Variants in RSPO2 observed in about 807,000 individuals in gnomAD.
The protein encoded by RSPO2 is R-spondin-2.
A neutral mutation model predicts 30.9 loss-of-function variants in RSPO2; 14 were observed. That is an observed-to-expected ratio of 0.45 (90% CI 0.30 to 0.71). The LOEUF (loss-of-function observed/expected upper bound fraction) is 0.71. Among genes scored for constraint, RSPO2 ranks in the 30% least tolerant of loss-of-function variants. RSPO2 has a pLI of 0.08. For synonymous variants in RSPO2, 107 were observed against 96.4 expected, an observed-to-expected ratio of 1.11 and a Z score of -0.64; for missense variants, 264 against 301.9, an observed-to-expected ratio of 0.87 and a Z score of 0.93.
At position 107,923,813 on chromosome 8, in the gene RSPO2, C is replaced by A. The variant is rs138949466; in HGVS notation, c.617-22623G>T. Among the ~76,000 whole-genome samples, 133 of 152,114 alleles carry A rather than the reference C, an allele frequency of 8.7e-4. 1 individual carries two copies. The highest frequency in any genetic ancestry group is 3.4e-3 in the Middle Eastern group (1 of 294). On this transcript the variant is annotated intron_variant, in intron 5 of 5. Transcript: ENST00000276659. ...GCAAGAACATGGTTGATGCTGGAGGCCATTATCCTTACCAATCTCAGCAGG... is the reference window on the plus strand; with the variant it reads ...GCAAGAACATGGTTGATGCTGGAGGACATTATCCTTACCAATCTCAGCAGG...
At chr8:107,917,967 G>T (rs1200505180) in intron 5 of RSPO2, among the ~76,000 whole-genome samples, 1 of 152,106 alleles carries the variant, frequency 6.6e-6, no homozygotes, top group Non-Finnish European at 1.5e-5. Flanking sequence ...TTTTATGGGT[G>T]CTATTGAATG....
At position 107,999,440 on chromosome 8, in the gene RSPO2, TTTTG is replaced by T. The variant is rs1034113824; in HGVS notation, c.95-10200_95-10197del. ...CTCAAAGCTAGGAGAAACTAGGAGT[TTTTG>T]TTTGTTTTGAGACAAAGTCTTACTG... On this transcript the variant is annotated intron_variant, in intron 2 of 5. Transcript: ENST00000276659. Among the ~76,000 whole-genome samples, 15 of 152,068 alleles carry T rather than the reference TTTTG, an allele frequency of 9.9e-5. No individual in the cohort carries two copies. The East Asian group carries it at 1.2e-3, about 12-fold the overall frequency.
At chr8:107,972,791 T>A (rs559333917) in intron 3 of RSPO2, among the ~76,000 whole-genome samples, 1 of 152,126 alleles carries the variant, frequency 6.6e-6, no homozygotes, top group African/African-American at 2.4e-5. Context: ...TATTCCAGAG[T>A]GTGTTACATC....
intron 5 of RSPO2, among the ~76,000 whole-genome samples, chr8:107,913,076 T>C (rs903389770): frequency 6.6e-6 from 1 of 150,650 alleles, no homozygotes; most frequent in African/African-American, 2.4e-5. Flanking sequence ...TTGGGATAAA[T>C]ATTTAAGGTG....
At chr8:107,981,238 G>C (rs950182170) in intron 3 of RSPO2, among the ~76,000 whole-genome samples, 2 of 151,954 alleles carry the variant, frequency 1.3e-5, no homozygotes, top group Admixed American at 6.6e-5. Flanking sequence ...AGAATGACAG[G>C]CTGGGCTCAG....
chr8:107,973,521 C>T (rs1176115952), intron 3 of RSPO2, among the ~76,000 whole-genome samples: 2 of 66,314 alleles, frequency 3.0e-5, no homozygotes, highest in African/African-American at 6.1e-5. Context: ...CAGACACACA[C>T]AGACACACAC....
chr8:108,063,281 G>C (rs201604044), intron 2 of RSPO2, among the ~76,000 whole-genome samples: 7 of 151,660 alleles, frequency 4.6e-5, no homozygotes, highest in East Asian at 1.9e-4. Context: ...TCTAGAAAAC[G>C]CCATCTTCTC....
intron 2 of RSPO2, among the ~76,000 whole-genome samples, chr8:108,001,648 T>G (rs1282723972): frequency 6.6e-6 from 1 of 152,104 alleles, no homozygotes; most frequent in African/African-American, 2.4e-5. Context: ...CATAGGATGG[T>G]TGGGTGTTGC....
At chr8:107,906,760 T>C (rs977928840) in intron 5 of RSPO2, among the ~76,000 whole-genome samples, 2 of 151,972 alleles carry the variant, frequency 1.3e-5, no homozygotes, top group African/African-American at 4.8e-5. Context: ...CTACTGTCCA[T>C]ATAGTTCAGA....
At chr8:107,964,499 C>T (rs1406623789) in intron 3 of RSPO2, among the ~76,000 whole-genome samples, 1 of 152,176 alleles carries the variant, frequency 6.6e-6, no homozygotes, top group Admixed American at 6.5e-5. Context: ...CCGCCTCAGC[C>T]TCCCAAAGTG....
chr8:108,031,869 G>C (rs1382194222), intron 2 of RSPO2, among the ~76,000 whole-genome samples: 1 of 151,660 alleles, frequency 6.6e-6, no homozygotes, highest in Non-Finnish European at 1.5e-5. Context: ...AAAAAGAAAA[G>C]GAATAGAATA....
At chr8:107,913,370 T>A (rs1811879647) in intron 5 of RSPO2, among the ~76,000 whole-genome samples, 1 of 152,196 alleles carries the variant, frequency 6.6e-6, no homozygotes, top group Non-Finnish European at 1.5e-5. Flanking sequence ...AAATGAAGCC[T>A]GGGGCCATTA....
intron 2 of RSPO2, among the ~76,000 whole-genome samples, chr8:107,998,754 C>T (rs1443830477): frequency 6.6e-6 from 1 of 152,034 alleles, no homozygotes; most frequent in African/African-American, 2.4e-5. Context: ...TAGAATTAAA[C>T]TGTATTTATG....
intron 3 of RSPO2, among the ~76,000 whole-genome samples, chr8:107,978,012 A>G (rs552883630): frequency 2.0e-5 from 3 of 152,210 alleles, no homozygotes; most frequent in East Asian, 3.9e-4. Flanking sequence ...TCTCAAGTCA[A>G]CATTTCTAAA....
chr8:107,972,174 C>G (rs1413994938), intron 3 of RSPO2, among the ~76,000 whole-genome samples: 1 of 151,000 alleles, frequency 6.6e-6, no homozygotes, highest in East Asian at 1.9e-4. Context: ...GAGACAGAGT[C>G]TCACTCTGTC....
chr8:107,976,248 G>A (rs957894314), intron 3 of RSPO2, among the ~76,000 whole-genome samples: 1 of 152,104 alleles, frequency 6.6e-6, no homozygotes, highest in Non-Finnish European at 1.5e-5. Context: ...AGTTGAACTG[G>A]ACCAAATGAT....
At position 107,958,448 on chromosome 8, in the gene RSPO2, G is replaced by A. The variant is rs1813502631; in HGVS notation, c.428-180C>T. Among the ~76,000 whole-genome samples the A allele has an allele frequency of 3.3e-5, 5 of 152,148 alleles. No homozygotes were observed. In the Middle Eastern group the frequency reaches 0.014, roughly 414 times the overall value. On this transcript the variant is annotated intron_variant, in intron 4 of 5. Transcript: ENST00000276659. The stretch of plus-strand genomic sequence containing the variant: ...CACCTTTTGGGAACTTTAATTTTTT[G>A]AACCATAAGATATTTCTATCAAAAA...
intron 5 of RSPO2, among the ~76,000 whole-genome samples, chr8:107,934,580 C>T (rs1053710921): frequency 6.6e-6 from 1 of 152,070 alleles, no homozygotes; most frequent in African/African-American, 2.4e-5. Flanking sequence ...TCATGTTGGT[C>T]AGGCTGGTCT....
Position 107,939,509 on chromosome 8 carries a change from G to C in RSPO2, c.616+18571C>G, listed in dbSNP as rs768763274. Reference sequence around the variant, plus strand: ...TTTTTTTTTTTTTTTTAACATTAAGGCTGTCTCTACTGTGCTTTTGACTCT... The same window carrying C: ...TTTTTTTTTTTTTTTTAACATTAAGCCTGTCTCTACTGTGCTTTTGACTCT... On this transcript the variant is annotated intron_variant, in intron 5 of 5. Transcript: ENST00000276659. Among the ~76,000 whole-genome samples, 50 of 145,384 alleles carry C rather than the reference G, an allele frequency of 3.4e-4. 1 individual carries two copies. Among genetic ancestry groups the C allele is most frequent in the Non-Finnish European group, 6.0e-4 (40 of 67,024 alleles).
Sources: gnomAD v4.1 joint callset for allele counts (sites outside exome capture counted in the v4.1 genomes callset) on GRCh38, gnomAD v4.1.1 for gene constraint, MANE v1.5 for transcripts, NCBI Gene and HGNC (gene_info 2026-07-23, HGNC 2026-07-21) for gene names.